PBX1: variants seen among roughly 807,000 people sequenced by gnomAD.
PBX1 encodes the protein PBX homeobox 1, also known as pre-B-cell leukemia transcription factor 1.
Under a neutral mutation model 53.4 loss-of-function variants are expected in PBX1, and 6 were observed. The observed-to-expected ratio is 0.11, with a 90% CI of 0.06 to 0.22. PBX1 has a LOEUF of 0.22. PBX1 is among the 10% of genes least tolerant of loss of function. The pLI is 1.00. For synonymous variants in PBX1, 204 were observed against 212.3 expected (o/e 0.96, Z 0.34); for missense variants, 251 against 551.4 (o/e 0.46, Z 5.46).
chr1:164,697,495 G>C (rs572867483), intron 2 of PBX1, among the ~76,000 whole-genome samples: 1 of 151,702 alleles, frequency 6.6e-6, no homozygotes, highest in Non-Finnish European at 1.5e-5. Flanking sequence ...ATTTTTATAC[G>C]TCCCCTTCTC....
At chr1:164,716,340 A>G (rs1320702334) in intron 2 of PBX1, among the ~76,000 whole-genome samples, 1 of 152,142 alleles carries the variant, frequency 6.6e-6, no homozygotes, top group Non-Finnish European at 1.5e-5. Context: ...TACCCCCTTG[A>G]AAAGAATATG....
intron 8 of PBX1, among the ~76,000 whole-genome samples, chr1:164,825,838 T>C (rs1162688948): frequency 6.6e-6 from 1 of 152,282 alleles, no homozygotes; most frequent in South Asian, 2.1e-4. Context: ...AAAAAGTATA[T>C]ATACCTGTTT....
At chr1:164,855,131 A>G (rs1236992328), downstream of PBX1, among the ~76,000 whole-genome samples, 2 of 151,924 alleles carry the variant, frequency 1.3e-5, no homozygotes, top group Non-Finnish European at 2.9e-5. Context: ...TTTTCTGTAG[A>G]GATGAGGTCT....
intron 8 of PBX1, among the ~76,000 whole-genome samples, chr1:164,841,514 C>T (rs1468603942): frequency 6.6e-6 from 1 of 152,126 alleles, no homozygotes; most frequent in Non-Finnish European, 1.5e-5. Flanking sequence ...AGAGATAGGA[C>T]TGGAGGAATA....
intron 2 of PBX1, among the ~76,000 whole-genome samples, chr1:164,660,382 G>A (rs368746343): frequency 1.1e-4 from 17 of 152,210 alleles, no homozygotes; most frequent in South Asian, 2.1e-4. Flanking sequence ...GAGCTGAGGC[G>A]TCTCAGCTGC....
At chr1:164,727,436 A>G (rs576901343) in intron 2 of PBX1, among the ~76,000 whole-genome samples, 1 of 152,374 alleles carries the variant, frequency 6.6e-6, no homozygotes, top group East Asian at 1.9e-4. Flanking sequence ...AAGTACTAAC[A>G]TAGTTTAGAA....
intron 2 of PBX1, among the ~76,000 whole-genome samples, chr1:164,785,070 T>G (rs968521169): frequency 6.6e-6 from 1 of 152,274 alleles, no homozygotes; most frequent in Non-Finnish European, 1.5e-5. Flanking sequence ...TTTCTTAAAC[T>G]ACAGCTTCTC....
Position 164,821,459 on chromosome 1 carries a change from C to T in PBX1, c.1111-78C>T, listed in dbSNP as rs1670148950. The stretch of plus-strand genomic sequence containing the variant: ...TTAATATGGCATGCCCAAATGGTGG[C>T]CTGCCTGATGATGATCTGCCTCCCT... On this transcript the variant is annotated intron_variant, in intron 7 of 8. Transcript: ENST00000420696. 6 of 1,081,396 alleles carry T rather than the reference C, an allele frequency of 5.5e-6. No homozygotes were observed. In the South Asian group the frequency reaches 7.5e-5, roughly 14 times the overall value. 67.0% of individuals were successfully genotyped at this position (1,081,396 alleles called of 1,614,324 possible). A position where few individuals can be genotyped will look rare whatever the true frequency, so the allele number is the denominator to read the frequency against.
chr1:164,571,144 A>G (rs1219405119), intron 2 of PBX1, among the ~76,000 whole-genome samples: 3 of 152,092 alleles, frequency 2.0e-5, no homozygotes, highest in Non-Finnish European at 2.9e-5. Context: ...TTCATAGTAG[A>G]TTTATTCTTC....
intron 2 of PBX1, among the ~76,000 whole-genome samples, chr1:164,788,002 A>G (rs1014356155): frequency 1.3e-5 from 2 of 151,944 alleles, no homozygotes; most frequent in Non-Finnish European, 2.9e-5. Flanking sequence ...TTAAAACCCT[A>G]TATGCATGAG....
chr1:164,687,388 C>T (rs893539703), intron 2 of PBX1, among the ~76,000 whole-genome samples: 1 of 151,896 alleles, frequency 6.6e-6, no homozygotes, highest in African/African-American at 2.4e-5. Flanking sequence ...ATGGTGAAAC[C>T]CTGTCTCTAC....
intron 2 of PBX1, chr1:164,626,048 C>A: frequency 9.6e-7 from 1 of 1,039,052 alleles, no homozygotes; most frequent in South Asian, 4.6e-5. Flanking sequence ...CCCCGTTACC[C>A]CCCAGCCCAC....
intron 2 of PBX1, among the ~76,000 whole-genome samples, chr1:164,685,632 C>G (rs10800042): frequency 0.24 from 36,906 of 152,176 alleles, 4,648 homozygotes; most frequent in East Asian, 0.33. Context: ...CCTCCCTGTA[C>G]AAGCAACAGT....
At chr1:164,754,071 G>A (rs994390892) in intron 2 of PBX1, among the ~76,000 whole-genome samples, 11 of 152,188 alleles carry the variant, frequency 7.2e-5, no homozygotes, top group African/African-American at 2.7e-4. Context: ...TCTCGGCAAA[G>A]GTGGACTGAG....
intron 2 of PBX1, among the ~76,000 whole-genome samples, chr1:164,884,017 T>C (rs1456694959): frequency 6.6e-6 from 1 of 152,148 alleles, no homozygotes; most frequent in Non-Finnish European, 1.5e-5. Context: ...AAACCATTGG[T>C]CAAATTACGA....
intron 8 of PBX1, among the ~76,000 whole-genome samples, chr1:164,827,234 G>A (rs1015028728): frequency 6.6e-6 from 1 of 152,148 alleles, no homozygotes; most frequent in Non-Finnish European, 1.5e-5. Flanking sequence ...TTGTAAGGCT[G>A]GGAACTGAGG....
At chr1:164,650,601 G>A (rs1383950725) in intron 2 of PBX1, among the ~76,000 whole-genome samples, 1 of 152,110 alleles carries the variant, frequency 6.6e-6, no homozygotes, top group African/African-American at 2.4e-5. Flanking sequence ...GTGGAGAATA[G>A]AGAGCCATCA....
At chr1:164,786,831 A>T (rs1322586480) in intron 2 of PBX1, among the ~76,000 whole-genome samples, 1 of 152,070 alleles carries the variant, frequency 6.6e-6, no homozygotes, top group Non-Finnish European at 1.5e-5. Context: ...TCTGAGAGTT[A>T]AAGATCTAGA....
intron 2 of PBX1, among the ~76,000 whole-genome samples, chr1:164,612,985 ATG>A (rs987101203): frequency 6.6e-6 from 1 of 152,194 alleles, no homozygotes; most frequent in Non-Finnish European, 1.5e-5. Context: ...AAATGAGTTA[ATG>A]TATACAAAGT....
Sources: allele counts gnomAD v4.1 joint callset (sites outside exome capture counted in the v4.1 genomes callset), GRCh38; gene constraint gnomAD v4.1.1; transcripts MANE v1.5; gene names NCBI Gene and HGNC (gene_info 2026-07-23, HGNC 2026-07-21).